Variants in MICU1 observed in about 807,000 individuals in gnomAD.
MICU1 encodes calcium uptake protein 1, mitochondrial.
Under a neutral mutation model 56.8 loss-of-function variants are expected in MICU1, and 45 were observed. The ratio of observed to expected loss-of-function variants is 0.79; its 90% CI spans 0.62 to 1.02. MICU1 has a LOEUF of 1.02. Ranked by LOEUF, MICU1 falls within the 50% of genes least tolerant of loss-of-function variation. The pLI, the probability that MICU1 is intolerant of heterozygous loss-of-function variation, is 0.00. For missense variants in MICU1, 504 were observed against 587.1 expected, an observed-to-expected ratio of 0.86 and a Z score of 1.46; for synonymous variants, 186 against 195.1, an observed-to-expected ratio of 0.95 and a Z score of 0.39.
intron 1 of MICU1, among the ~76,000 whole-genome samples, chr10:72,616,240 T>G (rs1430359119): frequency 1.3e-5 from 2 of 152,172 alleles, no homozygotes; most frequent in Non-Finnish European, 2.9e-5. Context: ...TTTCTTGTAT[T>G]CCTATAATTA....
intron 5 of MICU1, among the ~76,000 whole-genome samples, chr10:72,532,671 T>C (rs993501161): frequency 6.6e-6 from 1 of 152,196 alleles, no homozygotes; most frequent in East Asian, 1.9e-4. Context: ...TCCTAACATC[T>C]AGTTCAGCAC....
chr10:72,601,410 C>T (rs553003582), intron 1 of MICU1, among the ~76,000 whole-genome samples: 78 of 104,282 alleles, frequency 7.5e-4, no homozygotes, highest in African/African-American at 2.9e-3. Context: ...AGAGTCAGAG[C>T]AAATGAGACC....
chr10:72,459,083 C>G (rs1161852824), intron 8 of MICU1, among the ~76,000 whole-genome samples: 2 of 152,086 alleles, frequency 1.3e-5, no homozygotes, highest in Non-Finnish European at 2.9e-5. Context: ...GTAATCCCAA[C>G]ACTTTGGGAA....
intron 8 of MICU1, among the ~76,000 whole-genome samples, chr10:72,452,008 G>A (rs763142049): frequency 6.6e-6 from 1 of 151,914 alleles, no homozygotes; most frequent in Non-Finnish European, 1.5e-5. Flanking sequence ...GGGATTACAG[G>A]CACCTGCCAC....
At chr10:72,543,963 G>T (rs1839836830) in intron 4 of MICU1, among the ~76,000 whole-genome samples, 1 of 152,172 alleles carries the variant, frequency 6.6e-6, no homozygotes, top group Non-Finnish European at 1.5e-5. Context: ...GAAAGAAGAA[G>T]TAAAAACTAA....
At chr10:72,512,411 T>C (rs1383190786) in intron 5 of MICU1, among the ~76,000 whole-genome samples, 1 of 152,068 alleles carries the variant, frequency 6.6e-6, no homozygotes, top group African/African-American at 2.4e-5. Flanking sequence ...CTGGCCCCCA[T>C]ACACAGCTCC....
chr10:72,503,873 C>G (rs1389219701), intron 6 of MICU1, among the ~76,000 whole-genome samples: 1 of 142,122 alleles, frequency 7.0e-6, no homozygotes, highest in Admixed American at 6.8e-5. Context: ...TAGACACACA[C>G]ACACACACAC....
chr10:72,546,333 G>A (rs1399033172), intron 4 of MICU1, among the ~76,000 whole-genome samples: 1 of 152,190 alleles, frequency 6.6e-6, no homozygotes, highest in Non-Finnish European at 1.5e-5. Context: ...TCTGTACATA[G>A]TGAACTGTAA....
intron 8 of MICU1, among the ~76,000 whole-genome samples, chr10:72,424,900 T>C (rs532827943): frequency 3.3e-5 from 5 of 152,280 alleles, no homozygotes; most frequent in African/African-American, 9.6e-5. Context: ...GAAATCAACA[T>C]CATCAATATT....
chr10:72,408,169 CAAGGA>C, intron 9 of MICU1, 132 bp from the exon 10 acceptor site: 1 of 584,010 alleles, frequency 1.7e-6, no homozygotes, highest in Non-Finnish European at 3.0e-6. Flanking sequence ...ATACATTAGT[CAAGGA>C]ATATCAAATT....
intron 3 of MICU1, among the ~76,000 whole-genome samples, chr10:72,562,147 CTTTTTTTTT>C (rs533702573): frequency 9.7e-5 from 8 of 82,650 alleles, no homozygotes; most frequent in Non-Finnish European, 1.3e-4. Context: ...TACATAAAAT[CTTTTTTTTT>C]TTTTTTTTTT....
At chr10:72,456,999 T>C (rs1865492005) in intron 8 of MICU1, among the ~76,000 whole-genome samples, 1 of 148,146 alleles carries the variant, frequency 6.8e-6, no homozygotes, top group Admixed American at 6.7e-5. Context: ...TGTTTGTTTG[T>C]TTTTGGTAGA....
intron 1 of MICU1, among the ~76,000 whole-genome samples, chr10:72,594,235 G>A (rs1249136207): frequency 2.0e-5 from 3 of 152,210 alleles, no homozygotes; most frequent in African/African-American, 7.2e-5. Context: ...TCTGACAAGA[G>A]TGTCAAGATC....
At chr10:72,476,775 T>C (rs1265093869) in intron 7 of MICU1, among the ~76,000 whole-genome samples, 2 of 152,172 alleles carry the variant, frequency 1.3e-5, no homozygotes, top group South Asian at 2.1e-4. Flanking sequence ...TAGTCAAAAA[T>C]GGTATGGCAC....
chr10:72,607,815 A>AGG, intron 1 of MICU1, among the ~76,000 whole-genome samples: 1 of 152,136 alleles, frequency 6.6e-6, no homozygotes, highest in South Asian at 2.1e-4. Context: ...TTAGCATCTA[A>AGG]GGGGGAACAG....
chr10:72,551,400 T>G (rs1318892880), intron 3 of MICU1, 59 bp from the exon 4 acceptor site: 2 of 1,192,298 alleles, frequency 1.7e-6, no homozygotes, highest in East Asian at 2.7e-5. Context: ...TGCTCATATA[T>G]TCTTATCATC....
chr10:72,464,511 A>T (rs1865732136), intron 8 of MICU1, among the ~76,000 whole-genome samples: 1 of 152,146 alleles, frequency 6.6e-6, no homozygotes, highest in South Asian at 2.1e-4. Flanking sequence ...CTGTACTAGT[A>T]AAATACAGTA....
intron 9 of MICU1, among the ~76,000 whole-genome samples, chr10:72,422,728 T>G (rs1864216957): frequency 7.2e-6 from 1 of 139,414 alleles, no homozygotes; most frequent in Admixed American, 7.2e-5. Context: ...TTTTTTTTTT[T>G]GAGATGAAGT....
chr10:72,523,693 G>T, intron 5 of MICU1: 1 of 669,506 alleles, frequency 1.5e-6, no homozygotes. Context: ...ATATTTTTAA[G>T]ACTGCCAGCC....
Sources: gnomAD v4.1 joint callset for allele counts (sites outside exome capture counted in the v4.1 genomes callset) on GRCh38, gnomAD v4.1.1 for gene constraint, MANE v1.5 for transcripts, NCBI Gene and HGNC (gene_info 2026-07-23, HGNC 2026-07-21) for gene names.